MAP3K9: variants seen among roughly 807,000 people sequenced by gnomAD.
MAP3K9 encodes mitogen-activated protein kinase kinase kinase 9.
Under a neutral mutation model 95.8 loss-of-function variants are expected in MAP3K9, and 46 were observed. The observed-to-expected ratio is 0.48, with a 90% confidence interval of 0.38 to 0.61. The LOEUF (loss-of-function observed/expected upper bound fraction) is 0.61, where lower values mean the gene tolerates loss of function less well. MAP3K9 is among the 20% of genes least tolerant of loss of function. The pLI is 0.00. For missense variants in MAP3K9, 1,296 were observed against 1,474.3 expected, an observed-to-expected ratio of 0.88 and a Z score of 1.98; for synonymous variants, 533 against 593.8, an observed-to-expected ratio of 0.90 and a Z score of 1.49.
At chr14:70,745,865 T>C (rs191901592) in intron 5 of MAP3K9, among the ~76,000 whole-genome samples, 43 of 152,078 alleles carry the variant, frequency 2.8e-4, no homozygotes, top group African/African-American at 1.0e-3. Flanking sequence ...TGAAGAGAAA[T>C]AATAATAGGA....
intron 2 of MAP3K9, among the ~76,000 whole-genome samples, chr14:70,781,196 G>A (rs117969268): frequency 6.6e-6 from 1 of 152,232 alleles, no homozygotes; most frequent in African/African-American, 2.4e-5. Flanking sequence ...AGATGCTACA[G>A]CTTCCCCATG....
Position 70,733,516 on chromosome 14 carries a change from C to T in MAP3K9, c.2027-174G>A, listed in dbSNP as rs2139706945. The T allele has an allele frequency of 6.6e-6, 4 of 604,914 alleles. No homozygotes were observed. In the South Asian group the frequency reaches 8.2e-5, roughly 12 times the overall value. The allele number at this position is 604,914 out of a possible 1,614,324, so 37.5% of individuals were successfully genotyped here. ...GAACACTGAACCAAGGGGGCTTTAT[C>T]CACCCCCCAACACAGGGAAACCACT... is the stretch of plus-strand genomic sequence containing the variant. On this transcript the variant is annotated intron_variant, in intron 10 of 11. Transcript: ENST00000554752.
intron 2 of MAP3K9, among the ~76,000 whole-genome samples, chr14:70,764,787 G>A (rs1014937674): frequency 9.9e-5 from 15 of 151,964 alleles, no homozygotes; most frequent in East Asian, 1.9e-4. Flanking sequence ...AGCTGTGATT[G>A]TACCACTGTA....
rs1472688515 is a variant in MAP3K9 at position 70,808,923 on chromosome 14, G to A, written c.249C>T (p.Ser83=). 1.3e-6 allele frequency: 2 copies of A among 1,590,434 alleles called. No individual in the cohort carries two copies. The highest frequency in any genetic ancestry group is 1.7e-6 in the Non-Finnish European group (2 of 1,173,136). Reference sequence around the variant, plus strand: ...CGTCGCCGGACACCTGCGAGTCCTTGGACAGCACCTCCACCACGTCGCCCA... The same window carrying A: ...CGTCGCCGGACACCTGCGAGTCCTTAGACAGCACCTCCACCACGTCGCCCA... ...LRLGDVVEVL[S]KDSQVSGDEG... is the part of the protein sequence containing the mutation. Residue 83 remains serine (S), a synonymous_variant, in exon 1 of 12, where the codon TCC becomes TCT. Coordinates refer to ENST00000554752, the MANE Select transcript of MAP3K9 (RefSeq NM_001284230.2).
At chr14:70,807,382 C>A (rs1381172952) in intron 1 of MAP3K9, among the ~76,000 whole-genome samples, 2 of 152,054 alleles carry the variant, frequency 1.3e-5, no homozygotes, top group East Asian at 3.9e-4. Context: ...CCCAGCTACT[C>A]AGGAGGCTGA....
intron 7 of MAP3K9, chr14:70,739,814 T>C: frequency 1.5e-6 from 2 of 1,368,072 alleles, no homozygotes; most frequent in Non-Finnish European, 2.0e-6. Context: ...ACAAATCCCT[T>C]TGCTGATATG....
chr14:70,777,396 C>G (rs949699006), intron 2 of MAP3K9, among the ~76,000 whole-genome samples: 3 of 152,194 alleles, frequency 2.0e-5, no homozygotes, highest in African/African-American at 7.2e-5. Context: ...ACTCCAAAAC[C>G]TCTGGACCCC....
At chr14:70,753,782 C>T (rs7159957) in intron 3 of MAP3K9, among the ~76,000 whole-genome samples, 2,543 of 152,244 alleles carry the variant, frequency 0.017, 78 homozygotes, top group African/African-American at 0.058. Context: ...AACCACCTCC[C>T]GAGGCTTGGT....
chr14:70,806,777 G>A (rs1280577385), intron 1 of MAP3K9, among the ~76,000 whole-genome samples: 1 of 152,196 alleles, frequency 6.6e-6, no homozygotes, highest in African/African-American at 2.4e-5. Flanking sequence ...TAGCTCTTCT[G>A]CTTTGACATT....
At chr14:70,733,923 A>G in intron 10 of MAP3K9, 1 of 669,300 alleles carries the variant, frequency 1.5e-6, no homozygotes, top group Non-Finnish European at 2.8e-6. Flanking sequence ...CAGGTTCTTC[A>G]GCCTTTGGAC....
chr14:70,765,155 C>T lies in MAP3K9; in HGVS notation c.821-3973G>A, dbSNP rs571383105. ...ACCAGCCTGGCCAACATAGCAAAAA[C>T]CCATCTCTACTAAAAATACATAAAA... On this transcript the variant is annotated intron_variant, in intron 2 of 11. Transcript: ENST00000554752. 1.3e-4 allele frequency among the ~76,000 whole-genome samples: 20 copies of T among 152,176 alleles called. No individual in the cohort carries two copies. In the South Asian group the frequency reaches 3.9e-3, roughly 30 times the overall value.
In MAP3K9 at chr14:70,738,268, C is replaced by T; in HGVS notation, c.1821G>A (p.Lys607=). 3 of 1,611,726 alleles carry T rather than the reference C, an allele frequency of 1.9e-6. No individual in the cohort carries two copies. Among genetic ancestry groups the T allele is most frequent in the African/African-American group, 2.7e-5 (2 of 75,006 alleles). ...ACCCTTCATCTCCCGAGGCAAGCTC[C>T]TTCTGACCAAGCGTCCCTGGCCCCC... ...RTWGPGTLGQ[K]ELASGDEGSP... is the part of the protein sequence containing the mutation. The change falls in exon 8 of 12, where the codon AAG becomes AAA. Residue 607 remains lysine, a synonymous_variant. Coordinates refer to ENST00000554752, the MANE Select transcript of MAP3K9 (RefSeq NM_001284230.2).
At chr14:70,760,957 C>A (rs746239752) in intron 3 of MAP3K9, 45 bp downstream of exon 3, 1 of 1,594,624 alleles carries the variant, frequency 6.3e-7, no homozygotes, top group South Asian at 1.1e-5. Context: ...TGTGTGCCAC[C>A]AAGATGGACC....
intron 2 of MAP3K9, among the ~76,000 whole-genome samples, chr14:70,786,504 G>A (rs916623832): frequency 6.6e-6 from 1 of 151,864 alleles, no homozygotes; most frequent in Non-Finnish European, 1.5e-5. Context: ...ACCAAAGACC[G>A]AGTTCATGTT....
Position 70,723,376 on chromosome 14 carries a change from A to T in MAP3K9, c.*7004T>A, listed in dbSNP as rs1268366233. ...CTGTGTGCTTCAAACCCCTGGAGTC[A>T]TGGAGAGGAAACAGGGCGAGGAAGG... is the stretch of plus-strand genomic sequence containing the variant. On this transcript the variant is annotated 3_prime_UTR_variant, in exon 12 of 12. Transcript: ENST00000554752. The T allele has an allele frequency of 6.6e-6, 1 of 152,388 alleles. No homozygotes were observed. The highest frequency in any genetic ancestry group is 2.4e-5 in the African/African-American group (1 of 41,468). 9.4% of individuals were successfully genotyped at this position (152,388 alleles called of 1,614,324 possible). A position where few individuals can be genotyped will look rare whatever the true frequency, so the allele number is the denominator to read the frequency against.
At chr14:70,741,310 G>A (rs557518605) in intron 6 of MAP3K9, among the ~76,000 whole-genome samples, 46 of 152,126 alleles carry the variant, frequency 3.0e-4, no homozygotes, top group East Asian at 2.7e-3. Flanking sequence ...GGCTGGTCTC[G>A]AACTCCTGAC....
At chr14:70,780,936 G>A (rs1200985473) in intron 2 of MAP3K9, among the ~76,000 whole-genome samples, 9 of 152,210 alleles carry the variant, frequency 5.9e-5, no homozygotes, top group East Asian at 1.9e-4. Context: ...TGCAGCCGCC[G>A]CACAGGCTCT....
At position 70,748,980 on chromosome 14, in the gene MAP3K9, G is replaced by A. The variant is rs756976430; in HGVS notation, c.1175C>T (p.Ser392Leu). The A allele has an allele frequency of 1.2e-6, 2 of 1,613,800 alleles. No homozygotes were observed. Among genetic ancestry groups the A allele is most frequent in the Non-Finnish European group, 1.7e-6 (2 of 1,179,924 alleles). Residue 392 changes from serine (S) to leucine (L), a missense_variant, in exon 5 of 12, where the codon TCA (serine) becomes TTA (leucine). Coordinates refer to ENST00000554752, the MANE Select transcript of MAP3K9 (RefSeq NM_001284230.2). The stretch of plus-strand genomic sequence containing the variant: ...CAGGATATTCGTGAAAGATGGTCGT[G>A]AGTGGGGATCAGGATTCCAGCAGTC... The part of the protein sequence containing the change: ...MEDCWNPDPH[S>L]RPSFTNILDQ...
chr14:70,785,905 A>C (rs115505700), intron 2 of MAP3K9, among the ~76,000 whole-genome samples: 1,827 of 152,306 alleles, frequency 0.012, 47 homozygotes, highest in African/African-American at 0.042. Context: ...TCTGGACCAC[A>C]GTTGACTATG....
Sources: allele counts gnomAD v4.1 joint callset (sites outside exome capture counted in the v4.1 genomes callset), GRCh38; gene constraint gnomAD v4.1.1; transcripts MANE v1.5; gene names NCBI Gene and HGNC (gene_info 2026-07-23, HGNC 2026-07-21).